Variants in CORO7 observed in about 807,000 individuals in gnomAD.
CORO7 encodes the protein coronin-7.
CORO7 carries 107 observed loss-of-function variants against 126.6 expected under a neutral mutation model. The ratio of observed to expected loss-of-function variants is 0.85; its 90% CI spans 0.72 to 0.99. The LOEUF (loss-of-function observed/expected upper bound fraction) is 0.99. Among genes scored for constraint, CORO7 ranks in the 50% least tolerant of loss-of-function variants. CORO7 has a pLI of 0.00. For missense variants in CORO7, 1,314 were observed against 1,255.8 expected (o/e 1.05, Z -0.70); for synonymous variants, 603 against 536.8 (o/e 1.12, Z -1.70).
intron 5 of CORO7, among the ~76,000 whole-genome samples, chr16:4,406,412 C>T (rs970474861): frequency 1.3e-5 from 2 of 152,216 alleles, no homozygotes; most frequent in African/African-American, 4.8e-5. Context: ...CCTCCCACCT[C>T]AGCCTCTTGA....
intron 1 of CORO7, among the ~76,000 whole-genome samples, chr16:4,416,252 G>A (rs1458208670): frequency 6.6e-6 from 1 of 152,200 alleles, no homozygotes; most frequent in Non-Finnish European, 1.5e-5. Context: ...GAGCGCCAGA[G>A]CGAGTCACGG....
chr16:4,399,804 C>T (rs1332488779), intron 6 of CORO7, among the ~76,000 whole-genome samples: 1 of 151,504 alleles, frequency 6.6e-6, no homozygotes, highest in Non-Finnish European at 1.5e-5. Flanking sequence ...GGTGGGAGGA[C>T]TGCTTGAGCC....
chr16:4,391,904 T>C (rs1243858973), intron 7 of CORO7, among the ~76,000 whole-genome samples: 3 of 152,158 alleles, frequency 2.0e-5, no homozygotes, highest in Non-Finnish European at 4.4e-5. Flanking sequence ...GCAGGAGCAG[T>C]GTCAGCCCCG....
intron 8 of CORO7, 77 bp from the exon 9 acceptor site, chr16:4,388,145 G>A (rs1003746112): frequency 5.9e-6 from 9 of 1,535,146 alleles, no homozygotes; most frequent in Admixed American, 2.0e-5. Flanking sequence ...GGAAACCAGC[G>A]CCTGAGGGTG....
At chr16:4,413,097 C>T (rs1355879962) in intron 2 of CORO7, among the ~76,000 whole-genome samples, 1 of 152,144 alleles carries the variant, frequency 6.6e-6, no homozygotes, top group Non-Finnish European at 1.5e-5. Flanking sequence ...GGTTTGTACA[C>T]ACATATGTCC....
intron 26 of CORO7, chr16:4,356,917 T>A: frequency 1.8e-6 from 1 of 561,012 alleles, no homozygotes; most frequent in South Asian, 2.0e-5. Context: ...CAAAAGCACT[T>A]GGGCCCAGAA....
At chr16:4,370,265 T>C (rs1021269922) in intron 9 of CORO7, among the ~76,000 whole-genome samples, 3 of 152,132 alleles carry the variant, frequency 2.0e-5, no homozygotes, top group Admixed American at 6.5e-5. Flanking sequence ...ACAGCACTGA[T>C]TGGAAACTCA....
chr16:4,392,004 C>T, intron 7 of CORO7, among the ~76,000 whole-genome samples: 1 of 152,210 alleles, frequency 6.6e-6, no homozygotes, highest in Admixed American at 6.5e-5. Flanking sequence ...AGGAGCAGCC[C>T]TGGCTCCTTG....
At chr16:4,410,860 C>T (rs1053796563) in intron 3 of CORO7, among the ~76,000 whole-genome samples, 2 of 152,180 alleles carry the variant, frequency 1.3e-5, no homozygotes, top group Non-Finnish European at 2.9e-5. Flanking sequence ...AATGAATGGG[C>T]GTGGCAGCGT....
chr16:4,362,407 G>A lies in CORO7; in HGVS notation c.1402+205C>T, dbSNP rs2054210580. 6.6e-6 allele frequency among the ~76,000 whole-genome samples: 1 copy of A among 152,152 alleles called. No homozygotes were observed. Among genetic ancestry groups the A allele is most frequent in the African/African-American group, 2.4e-5 (1 of 41,426 alleles). ...GGGCTTTGGCTGCTCAGAAGCTGGT[G>A]GCCCCAGCCGCCCTCCTATTTTGCA... is the stretch of plus-strand genomic sequence containing the variant. On this transcript the variant is annotated intron_variant, in intron 15 of 27. Coordinates refer to ENST00000251166, the MANE Select transcript of CORO7 (RefSeq NM_024535.5). The surrounding 1 kb of genome is among the most constrained non-coding windows in gnomAD (Gnocchi z 5.3).
rs77001478 is a variant in CORO7, at chr16:4,407,277, GA to G, written c.487+223del. Among the ~76,000 whole-genome samples, 896 of 131,638 alleles carry G rather than the reference GA, an allele frequency of 6.8e-3. 3 individuals carry two copies. Among genetic ancestry groups the G allele is most frequent in the Non-Finnish European group, 9.3e-3 (559 of 60,124 alleles). 86.4% of individuals were successfully genotyped at this position (131,638 alleles called of 152,430 possible). ...TTTTTTTAAATGGAGAAAAACAACA[GA>G]AAAAAAAAAAAACAGGTAAGAGGAT... is the stretch of plus-strand genomic sequence containing the variant. On this transcript the variant is annotated intron_variant, in intron 5 of 27. Transcript: ENST00000251166.
intron 9 of CORO7, among the ~76,000 whole-genome samples, chr16:4,386,669 T>C (rs1291399905): frequency 1.3e-5 from 2 of 152,184 alleles, no homozygotes; most frequent in Admixed American, 1.3e-4. Flanking sequence ...TGACTCTGCC[T>C]CTTACCCTCC....
intron 7 of CORO7, among the ~76,000 whole-genome samples, chr16:4,389,510 G>A (rs111764877): frequency 3.9e-5 from 6 of 152,278 alleles, no homozygotes; most frequent in African/African-American, 1.4e-4. Context: ...AGCAGCCTGC[G>A]AGGAGCTGGC....
rs1454391873 is a variant in CORO7 at position 4,407,578 on chromosome 16, G to T, written c.410C>A (p.Thr137Asn). 1.3e-6 allele frequency: 2 copies of T among 1,590,300 alleles called. No individual in the cohort carries two copies. The change falls in exon 5 of 28, where the codon ACC becomes AAC. Residue 137 changes from threonine to asparagine, a missense_variant. Coordinates refer to ENST00000251166, the MANE Select transcript of CORO7 (RefSeq NM_024535.5). ...LPVEVLQFHP[T>N]SDGILVSAAG... ...TGCGCTCACCAGAATGCCGTCAGAG[G>T]TGGGGTGGAACTGCAGTACCTCCAC...
Position 4,388,641 on chromosome 16 carries a change from G to GC in CORO7, c.616-11dup. On this transcript the variant is annotated splice_polypyrimidine_tract_variant and intron_variant, in intron 7 of 27. Coordinates refer to ENST00000251166, the MANE Select transcript of CORO7 (RefSeq NM_024535.5). ...CATGGGCCTGCGTGCTCTGCAGGAG[G>GC]CAAGAGGTGGACCTGAGCCCCCAGG... 1.2e-6 allele frequency: 2 copies of GC among 1,608,090 alleles called. No homozygotes were observed. The highest frequency in any genetic ancestry group is 1.7e-6 in the Non-Finnish European group (2 of 1,178,256).
intron 6 of CORO7, among the ~76,000 whole-genome samples, chr16:4,403,285 T>A (rs925051466): frequency 2.6e-5 from 4 of 152,262 alleles, no homozygotes; most frequent in Admixed American, 2.6e-4. Flanking sequence ...CCCGGCTCCA[T>A]ACTGCCAGGG....
rs757920015 is a variant in CORO7 at position 4,405,591 on chromosome 16, G to A, written c.488-24C>T. 6 of 1,609,406 alleles carry A rather than the reference G, an allele frequency of 3.7e-6. No homozygotes were observed. In the Admixed American group the frequency reaches 6.7e-5, roughly 18 times the overall value. On this transcript the variant is annotated intron_variant, in intron 5 of 27. Transcript: ENST00000251166. ...CTCTGCAGAGAAGCAGTCACAGTCA[G>A]GTCCCGGGCAGTGAGGGCACCAGGG...
chr16:4,404,703 C>T (rs1337912024), intron 6 of CORO7, among the ~76,000 whole-genome samples: 2 of 152,090 alleles, frequency 1.3e-5, no homozygotes, highest in Admixed American at 6.5e-5. Flanking sequence ...AGGACCGCCA[C>T]GCCTCCCACC....
chr16:4,356,348 G>A (rs2053977416), intron 26 of CORO7: 1 of 152,154 alleles, frequency 6.6e-6, no homozygotes. Flanking sequence ...TCTTGCTTTG[G>A]TCTCCCAAAG....
Sources: allele counts gnomAD v4.1 joint callset (sites outside exome capture counted in the v4.1 genomes callset), GRCh38; gene constraint gnomAD v4.1.1; non-coding constraint Gnocchi (gnomAD v3.1); transcripts MANE v1.5; gene names NCBI Gene and HGNC (gene_info 2026-07-23, HGNC 2026-07-21).